POFUT3: variants seen among roughly 807,000 people sequenced by gnomAD.
POFUT3 encodes GDP-fucose protein O-fucosyltransferase 3.
the POFUT3 span, chr8:33,389,920 C>A: frequency 2.9e-6 from 2 of 682,300 alleles, no homozygotes; most frequent in Admixed American, 5.5e-5. Flanking sequence ...TGTGGCCGGG[C>A]ACGGTGGCTC....
chr8:33,345,398 C>CTTTTT, the POFUT3 span, among the ~76,000 whole-genome samples: 4 of 122,476 alleles, frequency 3.3e-5, no homozygotes, highest in Admixed American at 8.4e-5. Context: ...GTATATTTTA[C>CTTTTT]TTTTTTTTTT....
At chr8:33,362,361 T>C in the POFUT3 span, among the ~76,000 whole-genome samples, 1 of 152,092 alleles carries the variant, frequency 6.6e-6, no homozygotes, top group Admixed American at 6.6e-5. Context: ...ACTGTATCAA[T>C]TAACAGGCAA....
chr8:33,375,072 A>G, the POFUT3 span, among the ~76,000 whole-genome samples: 1 of 150,946 alleles, frequency 6.6e-6, no homozygotes, highest in Non-Finnish European at 1.5e-5. Flanking sequence ...TTTTATTTTT[A>G]GTAGAGACGG....
the POFUT3 span, among the ~76,000 whole-genome samples, chr8:33,446,409 A>G: frequency 6.6e-6 from 1 of 151,370 alleles, no homozygotes; most frequent in Non-Finnish European, 1.5e-5. Flanking sequence ...ATGAGTCGAT[A>G]TCACACCACT....
the POFUT3 span, among the ~76,000 whole-genome samples, chr8:33,362,043 A>C: frequency 6.6e-6 from 1 of 152,360 alleles, no homozygotes; most frequent in South Asian, 2.1e-4. Context: ...GCACAAAGGG[A>C]AGCCCATCAG....
At chr8:33,459,887 C>A in the POFUT3 span, among the ~76,000 whole-genome samples, 2 of 152,210 alleles carry the variant, frequency 1.3e-5, no homozygotes, top group East Asian at 1.9e-4. Flanking sequence ...GGTGAAACCC[C>A]GTCTCCACAA....
chr8:33,438,784 A>T, the POFUT3 span, among the ~76,000 whole-genome samples: 2 of 152,170 alleles, frequency 1.3e-5, no homozygotes, highest in African/African-American at 4.8e-5. Flanking sequence ...GGGGTGAATG[A>T]GAGCCGAGCG....
chr8:33,465,668 G>A, the POFUT3 span, among the ~76,000 whole-genome samples: 102 of 152,136 alleles, frequency 6.7e-4, no homozygotes, highest in African/African-American at 2.3e-3. Flanking sequence ...TCACCATGTT[G>A]GCCAGGCTGG....
the POFUT3 span, among the ~76,000 whole-genome samples, chr8:33,414,663 C>T: frequency 6.6e-6 from 1 of 152,172 alleles, no homozygotes; most frequent in Non-Finnish European, 1.5e-5. Context: ...GCTTTTCCGT[C>T]TCCCCTACAC....
the POFUT3 span, among the ~76,000 whole-genome samples, chr8:33,335,420 T>C: frequency 6.6e-6 from 1 of 152,230 alleles, no homozygotes; most frequent in African/African-American, 2.4e-5. Flanking sequence ...AAGTCATTGA[T>C]GACATGAATG....
chr8:33,400,151 T>G, the POFUT3 span, among the ~76,000 whole-genome samples: 70 of 90,304 alleles, frequency 7.8e-4, no homozygotes, highest in Middle Eastern at 6.6e-3. Context: ...AAAAAAAAGA[T>G]GGTGGGGGGG....
the POFUT3 span, among the ~76,000 whole-genome samples, chr8:33,464,267 A>G: frequency 1.3e-5 from 2 of 152,186 alleles, no homozygotes; most frequent in African/African-American, 4.8e-5. Flanking sequence ...TAAAAGGAAA[A>G]ATGCTCACTT....
chr8:33,462,362 T>C, the POFUT3 span, among the ~76,000 whole-genome samples: 1 of 151,998 alleles, frequency 6.6e-6, no homozygotes, highest in Non-Finnish European at 1.5e-5. Context: ...GGAATAAAAA[T>C]TACCAGGACT....
chr8:33,367,894 T>G, the POFUT3 span, among the ~76,000 whole-genome samples: 1 of 152,050 alleles, frequency 6.6e-6, no homozygotes, highest in South Asian at 2.1e-4. Context: ...ATAATCAGTT[T>G]TTTTTAATTT....
the POFUT3 span, among the ~76,000 whole-genome samples, chr8:33,375,670 T>C: frequency 6.6e-6 from 1 of 152,206 alleles, no homozygotes; most frequent in Non-Finnish European, 1.5e-5. Flanking sequence ...CACACAGTTA[T>C]ATTCAAACAC....
chr8:33,463,813 A>T, the POFUT3 span, among the ~76,000 whole-genome samples: 1 of 152,124 alleles, frequency 6.6e-6, no homozygotes, highest in Non-Finnish European at 1.5e-5. Flanking sequence ...TGGCCTCCCA[A>T]AGTGCTGGGA....
the POFUT3 span, among the ~76,000 whole-genome samples, chr8:33,418,295 A>C: frequency 9.9e-5 from 15 of 152,166 alleles, no homozygotes; most frequent in Non-Finnish European, 2.1e-4. Flanking sequence ...ACCCAACTGG[A>C]GGACAAAATG....
the POFUT3 span, among the ~76,000 whole-genome samples, chr8:33,363,136 C>T: frequency 2.0e-5 from 3 of 152,162 alleles, no homozygotes; most frequent in African/African-American, 7.2e-5. Context: ...CGCACAACTA[C>T]ATGGAAACTG....
chr8:33,442,326 C>T, the POFUT3 span, among the ~76,000 whole-genome samples: 5 of 148,238 alleles, frequency 3.4e-5, no homozygotes, highest in South Asian at 6.4e-4. Flanking sequence ...CTTGCTCTGT[C>T]GCCCAGGCTG....
Sources: gnomAD v4.1 joint callset for allele counts (sites outside exome capture counted in the v4.1 genomes callset) on GRCh38, gnomAD v4.1.1 for gene constraint, MANE v1.5 for transcripts, NCBI Gene and HGNC (gene_info 2026-07-23, HGNC 2026-07-21) for gene names.